Variants in PTPRE observed in about 807,000 individuals in gnomAD.
PTPRE encodes protein tyrosine phosphatase receptor type E, also known as receptor-type tyrosine-protein phosphatase epsilon.
In PTPRE, 51 loss-of-function variants were observed where a neutral mutation model predicts 102.0. That is an observed-to-expected ratio of 0.50 (90% CI 0.40 to 0.63). The LOEUF (loss-of-function observed/expected upper bound fraction) is 0.63, where lower values mean the gene tolerates loss of function less well. PTPRE is among the 30% of genes least tolerant of loss of function. The probability of loss-of-function intolerance (pLI) is 0.00; values close to 1 mark genes in which losing one functional copy is unlikely to be tolerated. For missense variants in PTPRE, 752 were observed against 915.1 expected (o/e 0.82, Z 2.30); for synonymous variants, 345 against 348.2 (o/e 0.99, Z 0.10).
chr10:128,050,937 GT>G (rs1848519795), intron 6 of PTPRE, among the ~76,000 whole-genome samples: 1 of 152,316 alleles, frequency 6.6e-6, no homozygotes, highest in Middle Eastern at 3.4e-3. Flanking sequence ...TACATTGCTT[GT>G]TTTTTGGTGC....
chr10:128,064,744 G>A (rs1030194873), intron 10 of PTPRE, among the ~76,000 whole-genome samples: 6 of 152,198 alleles, frequency 3.9e-5, no homozygotes, highest in Admixed American at 6.5e-5. Context: ...GGCTGCTGCC[G>A]CGTCCTCATT....
chr10:128,046,820 G>A (rs1848128604), intron 3 of PTPRE, among the ~76,000 whole-genome samples: 1 of 152,192 alleles, frequency 6.6e-6, no homozygotes, highest in African/African-American at 2.4e-5. Flanking sequence ...AACCTGTCAG[G>A]TACAAAGGAC....
intron 1 of PTPRE, among the ~76,000 whole-genome samples, chr10:127,968,897 A>C (rs1005821141): frequency 6.6e-6 from 1 of 152,262 alleles, no homozygotes; most frequent in Non-Finnish European, 1.5e-5. Context: ...CTGACAAGGC[A>C]AAAATGAAAC....
chr10:128,015,272 C>A (rs192608380), intron 2 of PTPRE, among the ~76,000 whole-genome samples: 1 of 152,164 alleles, frequency 6.6e-6, no homozygotes, highest in Non-Finnish European at 1.5e-5. Context: ...GGCCGGGCCT[C>A]GTGGCTCACG....
intron 1 of PTPRE, among the ~76,000 whole-genome samples, chr10:127,981,929 C>CT (rs1252384887): frequency 2.0e-5 from 3 of 152,072 alleles, no homozygotes; most frequent in African/African-American, 7.2e-5. Context: ...AAAGGCTCTT[C>CT]TGGGGGGAGG....
chr10:128,065,673 T>A (rs551339496), intron 10 of PTPRE, among the ~76,000 whole-genome samples: 24 of 152,252 alleles, frequency 1.6e-4, no homozygotes, highest in African/African-American at 5.8e-4. Context: ...AATTGCTGAA[T>A]CCAGTGGGAA....
intron 2 of PTPRE, among the ~76,000 whole-genome samples, chr10:127,989,419 C>G (rs1347879928): frequency 6.6e-6 from 1 of 152,198 alleles, no homozygotes. Flanking sequence ...TGCTCAAATT[C>G]ATGATCTCAA....
intron 2 of PTPRE, among the ~76,000 whole-genome samples, chr10:128,009,587 G>C (rs1439297346): frequency 2.0e-5 from 3 of 152,184 alleles, no homozygotes; most frequent in Non-Finnish European, 4.4e-5. Flanking sequence ...GTTTTACTCT[G>C]AGCCGGAAAG....
At chr10:127,974,473 G>T (rs1301697742) in intron 1 of PTPRE, among the ~76,000 whole-genome samples, 1 of 152,176 alleles carries the variant, frequency 6.6e-6, no homozygotes, top group African/African-American at 2.4e-5. Flanking sequence ...CCAAACACAG[G>T]TTAGTGTTCT....
chr10:127,925,126 C>G (rs1405824027), intron 1 of PTPRE, among the ~76,000 whole-genome samples: 1 of 152,222 alleles, frequency 6.6e-6, no homozygotes, highest in Middle Eastern at 3.2e-3. Flanking sequence ...ACTTCCATGG[C>G]TGGAGGATGT....
intron 1 of PTPRE, among the ~76,000 whole-genome samples, chr10:127,932,712 A>G (rs1847535058): frequency 6.6e-6 from 1 of 152,226 alleles, no homozygotes; most frequent in South Asian, 2.1e-4. Context: ...CCACTCACTC[A>G]GTGGCTCACC....
Position 128,070,436 on chromosome 10 carries a change from G to C in PTPRE, c.1279G>C (p.Glu427Gln). 6.2e-7 allele frequency: 1 copy of C among 1,613,818 alleles called. No individual in the cohort carries two copies. The highest frequency in any genetic ancestry group is 1.3e-5 in the African/African-American group (1 of 75,046). ...TTTHFDKIGL[E>Q]EEFRKLTNVR... ...CACCCACTTCGACAAGATCGGGCTG[G>C]AGGAGGAGTTCAGGGTGAGTACAGC... Residue 427 changes from glutamate (E) to glutamine (Q), a missense_variant, in exon 14 of 21, where the codon GAG (glutamate) becomes CAG (glutamine). Physicochemically the swap from Glu to Gln is conservative, Grantham distance 29 (BLOSUM62 2). Transcript: ENST00000254667. The surrounding 1 kb of genome is among the most constrained non-coding windows in gnomAD (Gnocchi z 4.8).
intron 1 of PTPRE, among the ~76,000 whole-genome samples, chr10:127,915,575 T>G (rs1267415088): frequency 1.3e-5 from 2 of 152,260 alleles, no homozygotes; most frequent in Non-Finnish European, 2.9e-5. Flanking sequence ...ATTTAAATTC[T>G]TTTGCGCAAA....
chr10:127,959,743 C>A (rs1312187206), intron 1 of PTPRE, among the ~76,000 whole-genome samples: 1 of 152,194 alleles, frequency 6.6e-6, no homozygotes, highest in East Asian at 1.9e-4. Context: ...TACTTCCCAG[C>A]AGGGTGACTT....
At chr10:128,031,569 C>A (rs781730826) in intron 2 of PTPRE, among the ~76,000 whole-genome samples, 19 of 152,208 alleles carry the variant, frequency 1.2e-4, no homozygotes, top group Non-Finnish European at 2.5e-4. Context: ...TTCCCACGAC[C>A]CTGCCAGGTA....
intron 11 of PTPRE, among the ~76,000 whole-genome samples, 187 bp downstream of exon 11, chr10:128,066,381 C>T (rs1850092517): frequency 6.6e-6 from 1 of 152,194 alleles, no homozygotes; most frequent in Admixed American, 6.5e-5. Context: ...ACACCAGAGG[C>T]CGGTGCACAA....
Position 127,929,101 on chromosome 10 carries a change from T to C in PTPRE, c.-31+21792T>C, listed in dbSNP as rs376982242. On this transcript the variant is annotated intron_variant, in intron 1 of 20. Coordinates refer to ENST00000254667, the MANE Select transcript of PTPRE (RefSeq NM_006504.6). The stretch of plus-strand genomic sequence containing the variant: ...TTAATCTTAAAAGCAAAATTAAACA[T>C]TGGACTGGTTTACATTTCAAGCTAC... Among the ~76,000 whole-genome samples, 43 of 152,322 alleles carry C rather than the reference T, an allele frequency of 2.8e-4. 1 individual carries two copies. Among genetic ancestry groups the C allele is most frequent in the African/African-American group, 9.6e-4 (40 of 41,578 alleles).
At position 128,051,157 on chromosome 10, in the gene PTPRE, C is replaced by T. The variant is rs144499040; in HGVS notation, c.420+1491C>T. 4.3e-3 allele frequency among the ~76,000 whole-genome samples: 653 copies of T among 152,316 alleles called. 10 individuals are homozygous for T. Among genetic ancestry groups the T allele is most frequent in the Admixed American group, 0.031 (471 of 15,300 alleles). On this transcript the variant is annotated intron_variant, in intron 6 of 20. Coordinates refer to ENST00000254667, the MANE Select transcript of PTPRE (RefSeq NM_006504.6). Reference sequence around the variant, plus strand: ...CTCCCCCACCCTTCTCATCCCATTTCCCCTTGCACTTTTGTTTCCCCAAGT... The same window carrying T: ...CTCCCCCACCCTTCTCATCCCATTTTCCCTTGCACTTTTGTTTCCCCAAGT...
At chr10:127,943,596 C>T (rs73376127) in intron 1 of PTPRE, among the ~76,000 whole-genome samples, 3,315 of 152,340 alleles carry the variant, frequency 0.022, 129 homozygotes, top group African/African-American at 0.076. Context: ...CACCAACACC[C>T]CAAGCCCCAG....
Sources: allele counts gnomAD v4.1 joint callset (sites outside exome capture counted in the v4.1 genomes callset), GRCh38; gene constraint gnomAD v4.1.1; non-coding constraint Gnocchi (gnomAD v3.1); transcripts MANE v1.5; gene names NCBI Gene and HGNC (gene_info 2026-07-23, HGNC 2026-07-21).